RALGAPA2: variants seen among roughly 807,000 people sequenced by gnomAD.
RALGAPA2 encodes Ral GTPase activating protein catalytic subunit alpha 2, also known as ral GTPase-activating protein subunit alpha-2.
A neutral mutation model predicts 230.4 loss-of-function variants in RALGAPA2; 139 were observed. The observed-to-expected ratio is 0.60, with a 90% confidence interval of 0.53 to 0.69. The LOEUF (loss-of-function observed/expected upper bound fraction) is 0.69. Ranked by LOEUF, RALGAPA2 falls within the 30% of genes least tolerant of loss-of-function variation. RALGAPA2 has a pLI of 0.00. For synonymous variants in RALGAPA2, 847 were observed against 837.8 expected (o/e 1.01, Z -0.19); for missense variants, 2,163 against 2,276.0 (o/e 0.95, Z 1.01).
intron 3 of RALGAPA2, among the ~76,000 whole-genome samples, chr20:20,654,173 A>G (rs999365511): frequency 6.6e-6 from 1 of 152,180 alleles, no homozygotes; most frequent in Non-Finnish European, 1.5e-5. Context: ...TAGATTCCAT[A>G]TATATGAGAT....
At chr20:20,522,886 C>T (rs2145464635) in intron 30 of RALGAPA2, among the ~76,000 whole-genome samples, 1 of 152,232 alleles carries the variant, frequency 6.6e-6, no homozygotes, top group Admixed American at 6.5e-5. Flanking sequence ...ATGCCGTTGG[C>T]CCAAACCAAG....
At chr20:20,466,277 C>A (rs1407225704) in intron 37 of RALGAPA2, among the ~76,000 whole-genome samples, 3 of 152,228 alleles carry the variant, frequency 2.0e-5, no homozygotes, top group Non-Finnish European at 4.4e-5. Context: ...TTCAGCATGG[C>A]TGACAAACTC....
chr20:20,443,484 G>A (rs1053088942), intron 37 of RALGAPA2, among the ~76,000 whole-genome samples: 1 of 152,172 alleles, frequency 6.6e-6, no homozygotes, highest in Non-Finnish European at 1.5e-5. Flanking sequence ...TCCCTCTTGA[G>A]CCTTGGCTGT....
At chr20:20,439,223 T>A (rs2060681358) in intron 37 of RALGAPA2, among the ~76,000 whole-genome samples, 1 of 152,200 alleles carries the variant, frequency 6.6e-6, no homozygotes, top group Admixed American at 6.5e-5. Context: ...TTTAGTTTTT[T>A]TTTTTTTGAG....
intron 37 of RALGAPA2, among the ~76,000 whole-genome samples, chr20:20,428,082 T>C (rs909011943): frequency 2.6e-5 from 4 of 152,236 alleles, no homozygotes; most frequent in African/African-American, 9.6e-5. Flanking sequence ...GGTGTTTATC[T>C]TAACTTTTTA....
At chr20:20,625,759 GA>G (rs954907241) in intron 10 of RALGAPA2, among the ~76,000 whole-genome samples, 11 of 152,146 alleles carry the variant, frequency 7.2e-5, no homozygotes, top group African/African-American at 2.4e-4. Flanking sequence ...CAGGTAGTCT[GA>G]AAAACGCCAA....
At chr20:20,635,264 C>A in intron 9 of RALGAPA2, 154 bp downstream of exon 9, 1 of 753,960 alleles carries the variant, frequency 1.3e-6, no homozygotes, top group Non-Finnish European at 2.2e-6. Context: ...CCTCTGAAAC[C>A]TTGGCATTAC....
At chr20:20,463,769 C>A (rs1569421798) in intron 37 of RALGAPA2, among the ~76,000 whole-genome samples, 1 of 152,172 alleles carries the variant, frequency 6.6e-6, no homozygotes. Context: ...TATGGAATGA[C>A]CTTTTGCTCT....
intron 37 of RALGAPA2, among the ~76,000 whole-genome samples, chr20:20,421,176 T>C (rs76328188): frequency 2.0e-5 from 3 of 152,228 alleles, no homozygotes; most frequent in Non-Finnish European, 2.9e-5. Flanking sequence ...AAAGAAGATA[T>C]GTAAATGGCC....
At chr20:20,661,956 T>G (rs999086512) in intron 3 of RALGAPA2, among the ~76,000 whole-genome samples, 19 of 152,106 alleles carry the variant, frequency 1.2e-4, no homozygotes, top group African/African-American at 4.1e-4. Context: ...AATAAAACAA[T>G]GGAGGCATAC....
chr20:20,625,065 C>T (rs1319766276), intron 10 of RALGAPA2, among the ~76,000 whole-genome samples: 3 of 152,102 alleles, frequency 2.0e-5, no homozygotes, highest in African/African-American at 7.2e-5. Flanking sequence ...GCCTGCCTGC[C>T]TATTTCTGTC....
intron 23 of RALGAPA2, among the ~76,000 whole-genome samples, chr20:20,570,011 C>T (rs899892493): frequency 6.6e-6 from 1 of 152,164 alleles, no homozygotes; most frequent in Non-Finnish European, 1.5e-5. Context: ...TAATCCTCCA[C>T]ATACCCTGAG....
At chr20:20,661,704 G>A (rs2067783567) in intron 3 of RALGAPA2, among the ~76,000 whole-genome samples, 1 of 152,078 alleles carries the variant, frequency 6.6e-6, no homozygotes, top group Non-Finnish European at 1.5e-5. Flanking sequence ...GTAAGTATAA[G>A]CAGGTTAAAT....
intron 35 of RALGAPA2, among the ~76,000 whole-genome samples, chr20:20,501,304 G>T (rs1392525213): frequency 2.0e-5 from 3 of 152,236 alleles, no homozygotes; most frequent in Non-Finnish European, 4.4e-5. Flanking sequence ...CTGTTGTTTA[G>T]TGTAGCCACC....
At chr20:20,638,731 T>C (rs1331198418) in intron 7 of RALGAPA2, among the ~76,000 whole-genome samples, 2 of 152,142 alleles carry the variant, frequency 1.3e-5, no homozygotes, top group Non-Finnish European at 2.9e-5. Context: ...AGAGTTCAAA[T>C]GTGGAGTTTC....
At chr20:20,552,835 G>C (rs1482075593) in intron 23 of RALGAPA2, among the ~76,000 whole-genome samples, 1 of 152,108 alleles carries the variant, frequency 6.6e-6, no homozygotes, top group African/African-American at 2.4e-5. Context: ...ATTTCTGCTA[G>C]TGGGTCTCTG....
chr20:20,702,938 C>T (rs1186094690), intron 1 of RALGAPA2, among the ~76,000 whole-genome samples: 1 of 151,866 alleles, frequency 6.6e-6, no homozygotes, highest in African/African-American at 2.4e-5. Context: ...TTTGGGAGGC[C>T]GAGGCGGACT....
chr20:20,459,635 T>C (rs2061255170), intron 37 of RALGAPA2, among the ~76,000 whole-genome samples: 1 of 151,806 alleles, frequency 6.6e-6, no homozygotes, highest in South Asian at 2.1e-4. Flanking sequence ...CCTTGCGCCC[T>C]GAAAAAATGC....
intron 37 of RALGAPA2, among the ~76,000 whole-genome samples, chr20:20,439,217 G>GTTT (rs1173075376): frequency 6.9e-6 from 1 of 144,588 alleles, no homozygotes; most frequent in Non-Finnish European, 1.5e-5. Context: ...CCTGGTTTTA[G>GTTT]TTTTTTTTTT....
Sources: allele counts gnomAD v4.1 joint callset (sites outside exome capture counted in the v4.1 genomes callset), GRCh38; gene constraint gnomAD v4.1.1; transcripts MANE v1.5; gene names NCBI Gene and HGNC (gene_info 2026-07-23, HGNC 2026-07-21).